Variants in ZFAND5 observed in about 807,000 individuals in gnomAD.
ZFAND5 encodes zinc finger AN1-type containing 5.
In ZFAND5, 4 loss-of-function variants were observed where a neutral mutation model predicts 23.6. The ratio of observed to expected loss-of-function variants is 0.17; its 90% CI spans 0.08 to 0.39. The LOEUF is 0.39. Ranked by LOEUF, ZFAND5 falls within the 10% of genes least tolerant of loss-of-function variation. The pLI is 1.00. For missense variants in ZFAND5, 161 were observed against 253.7 expected (o/e 0.63, Z 2.48); for synonymous variants, 68 against 80.6 (o/e 0.84, Z 0.84).
At chr9:72,360,349 A>G in intron 3 of ZFAND5, 128 bp from the exon 4 acceptor site, 1 of 887,208 alleles carries the variant, frequency 1.1e-6, no homozygotes, top group Non-Finnish European at 1.7e-6. Flanking sequence ...CTGTAATCCT[A>G]TACTTGAGTA....
Position 72,360,650 on chromosome 9 carries a change from A to G in ZFAND5, c.129T>C (p.Asn43=), listed in dbSNP as rs776022263. Residue 43 remains asparagine (N), a synonymous_variant, in exon 3 of 7, where the codon AAT becomes AAC. Coordinates refer to ENST00000376962, the MANE Select transcript of ZFAND5 (RefSeq NM_001102420.3). ...CYKEHLQRQQ[N]SGRMSPMGTA... The stretch of plus-strand genomic sequence containing the variant: ...TACCCATTGGGCTCATTCTGCCACT[A>G]TTTTGCTGCCTCTGAAGATGTTCTT... The G allele has an allele frequency of 4.3e-6, 7 of 1,613,722 alleles. No homozygotes were observed. In the East Asian group the frequency reaches 8.9e-5, roughly 21 times the overall value.
chr9:72,356,310 T>A (rs1338364054), intron 6 of ZFAND5, among the ~76,000 whole-genome samples: 1 of 152,232 alleles, frequency 6.6e-6, no homozygotes, highest in Non-Finnish European at 1.5e-5. Context: ...TTAACTTCCT[T>A]TGACATGGTG....
chr9:72,360,521 A>G (rs1842068696), intron 3 of ZFAND5, 107 bp downstream of exon 3: 3 of 1,462,834 alleles, frequency 2.1e-6, no homozygotes, highest in South Asian at 1.2e-5. Flanking sequence ...TCAAGCTCTT[A>G]TCAGGTGTTC....
At position 72,359,524 on chromosome 9, in the gene ZFAND5, A is replaced by G. The variant is rs1045755949; in HGVS notation, c.264-3T>C. ...GCAAGGCAGCCACAGGCACATTTCT[A>G]TTTGAGTTCAAGCAAACAATTTTTA... On this transcript the variant is annotated splice_polypyrimidine_tract_variant and splice_region_variant and intron_variant, in intron 4 of 6. Transcript: ENST00000376962. 4.3e-6 allele frequency: 7 copies of G among 1,613,074 alleles called. No homozygotes were observed. The highest frequency in any genetic ancestry group is 1.3e-5 in the African/African-American group (1 of 74,876).
intron 1 of ZFAND5, chr9:72,364,438 G>T (rs892594137): frequency 1.6e-6 from 2 of 1,266,220 alleles, no homozygotes; most frequent in Non-Finnish European, 1.0e-6. Flanking sequence ...CGCAGAGGCG[G>T]CACGCCGTGC....
chr9:72,360,934 A>G, intron 2 of ZFAND5, 147 bp from the exon 3 acceptor site: 1 of 722,624 alleles, frequency 1.4e-6, no homozygotes, highest in African/African-American at 1.8e-5. Flanking sequence ...AGAGATAATT[A>G]TCAATATTTT....
At chr9:72,361,930 AG>A (rs1842116361) in intron 2 of ZFAND5, among the ~76,000 whole-genome samples, 1 of 152,266 alleles carries the variant, frequency 6.6e-6, no homozygotes, top group Non-Finnish European at 1.5e-5. Context: ...ACTACATACT[AG>A]AATACACTTT....
chr9:72,358,792 G>A (rs371123247), intron 5 of ZFAND5, among the ~76,000 whole-genome samples: 1 of 152,076 alleles, frequency 6.6e-6, no homozygotes, highest in Non-Finnish European at 1.5e-5. Flanking sequence ...AGAACAAATT[G>A]ATAAAATAAG....
In ZFAND5 at chr9:72,354,714, AC is replaced by A. The variant is rs1415996210; in HGVS notation, c.*1238del. 2 of 152,582 alleles carry A rather than the reference AC, an allele frequency of 1.3e-5. No individual in the cohort carries two copies. Among genetic ancestry groups the A allele is most frequent in the African/African-American group, 4.8e-5 (2 of 41,468 alleles). 9.5% of individuals were successfully genotyped at this position (152,582 alleles called of 1,614,324 possible). On this transcript the variant is annotated 3_prime_UTR_variant, in exon 7 of 7. Coordinates refer to ENST00000376962, the MANE Select transcript of ZFAND5 (RefSeq NM_001102420.3). Reference sequence around the variant, plus strand: ...CTATTTACAGATGAAAACAGGCATTACCACAACACTAACTATACTCATTTAT... The same window carrying A: ...CTATTTACAGATGAAAACAGGCATTACACAACACTAACTATACTCATTTAT...
chr9:72,359,599 T>G, intron 4 of ZFAND5, 78 bp from the exon 5 acceptor site: 2 of 1,310,306 alleles, frequency 1.5e-6, no homozygotes, highest in South Asian at 1.3e-5. Flanking sequence ...TCAGTTCAAC[T>G]TTAAATTATA....
In ZFAND5 at chr9:72,363,650, T is replaced by G. The variant is rs764646615; in HGVS notation, c.-146-44A>C. On this transcript the variant is annotated intron_variant, in intron 1 of 6. Transcript: ENST00000376962. ...GAGACAACTACAAAGAATCCTTAAT[T>G]TTTTAGGGGGGTGTGGGGAAACATT... The G allele has an allele frequency of 6.1e-4, 602 of 983,528 alleles. 1 individual carries two copies. Among genetic ancestry groups the G allele is most frequent in the Non-Finnish European group, 6.9e-4 (572 of 828,340 alleles). 60.9% of individuals were successfully genotyped at this position (983,528 alleles called of 1,614,324 possible). A position where few individuals can be genotyped will look rare whatever the true frequency, so the allele number is the denominator to read the frequency against.
chr9:72,360,260 T>C, intron 3 of ZFAND5, 39 bp from the exon 4 acceptor site: 1 of 1,526,934 alleles, frequency 6.5e-7, no homozygotes, highest in Non-Finnish European at 9.0e-7. Flanking sequence ...CAATGAACAC[T>C]ACAAAAACTC....
chr9:72,361,627 T>A (rs762407749), intron 2 of ZFAND5, among the ~76,000 whole-genome samples: 39 of 152,220 alleles, frequency 2.6e-4, no homozygotes, highest in Non-Finnish European at 5.7e-4. Flanking sequence ...TAACCTTTAG[T>A]AATGGTTAAT....
Position 72,354,706 on chromosome 9 carries a change from C to T in ZFAND5, c.*1247G>A, listed in dbSNP as rs1478195040. 2.0e-5 allele frequency: 3 copies of T among 152,516 alleles called. No homozygotes were observed. The highest frequency in any genetic ancestry group is 4.4e-5 in the Non-Finnish European group (3 of 68,030). The allele number at this position is 152,516 out of a possible 1,614,324, so 9.4% of individuals were successfully genotyped here. ...ATACTTAACTATTTACAGATGAAAA[C>T]AGGCATTACCACAACACTAACTATA... On this transcript the variant is annotated 3_prime_UTR_variant, in exon 7 of 7. Transcript: ENST00000376962.
At chr9:72,361,532 T>A (rs2735266) in intron 2 of ZFAND5, among the ~76,000 whole-genome samples, 11 of 152,344 alleles carry the variant, frequency 7.2e-5, no homozygotes, top group African/African-American at 2.6e-4. Context: ...CTATTAATTT[T>A]AACAAGTGCT....
chr9:72,354,617 TTAAGAA>T lies in ZFAND5; in HGVS notation c.*1330_*1335del, dbSNP rs1479043843. The T allele has an allele frequency of 6.6e-6, 1 of 152,588 alleles. No individual in the cohort carries two copies. The highest frequency in any genetic ancestry group is 1.5e-5 in the Non-Finnish European group (1 of 68,042). 9.5% of individuals were successfully genotyped at this position (152,588 alleles called of 1,614,324 possible). On this transcript the variant is annotated 3_prime_UTR_variant, in exon 7 of 7. Coordinates refer to ENST00000376962, the MANE Select transcript of ZFAND5 (RefSeq NM_001102420.3). ...AAAATTGAAAGCAAAACTGAATGCT[TTAAGAA>T]TAAAAGTAAAAACTAGGACTGAACA...
intron 1 of ZFAND5, chr9:72,364,339 G>A (rs1387001580): frequency 1.8e-6 from 2 of 1,090,438 alleles, no homozygotes; most frequent in Non-Finnish European, 2.3e-6. Context: ...GGCAGGGGGC[G>A]CGGCCGCCGC....
rs1841876578 is a variant in ZFAND5, at chr9:72,354,431, G to C, written c.*1522C>G. On this transcript the variant is annotated 3_prime_UTR_variant, in exon 7 of 7. Coordinates refer to ENST00000376962, the MANE Select transcript of ZFAND5 (RefSeq NM_001102420.3). Reference sequence around the variant, plus strand: ...TTCCCCCTTTAGGACTCCAACTATGGCTTAAAAACCCAATGAACAAGTGAA... The same window carrying C: ...TTCCCCCTTTAGGACTCCAACTATGCCTTAAAAACCCAATGAACAAGTGAA... 6.6e-6 allele frequency: 1 copy of C among 152,554 alleles called. No individual in the cohort carries two copies. Among genetic ancestry groups the C allele is most frequent in the Admixed American group, 6.5e-5 (1 of 15,276 alleles). 9.5% of individuals were successfully genotyped at this position (152,554 alleles called of 1,614,324 possible). A position where few individuals can be genotyped will look rare whatever the true frequency, so the allele number is the denominator to read the frequency against.
At position 72,360,748 on chromosome 9, in the gene ZFAND5, G is replaced by A; in HGVS notation, c.31C>T (p.Pro11Ser). ...CCACATCCTGTGCTACACAGCATGGGCCCCGGGGTCTGGTTAGTCTCCTGA... is the reference window on the plus strand; with the variant it reads ...CCACATCCTGTGCTACACAGCATGGACCCCGGGGTCTGGTTAGTCTCCTGA... MAQETNQTPG[P>S]MLCSTGCGFY... Residue 11 changes from proline to serine, a missense_variant, in exon 3 of 7, where the codon CCC (proline) becomes TCC (serine). Pro to Ser is a moderately conservative substitution (Grantham distance 74). Transcript: ENST00000376962. 1 of 1,611,114 alleles carries A rather than the reference G, an allele frequency of 6.2e-7. No homozygotes were observed. Among genetic ancestry groups the A allele is most frequent in the Non-Finnish European group, 8.5e-7 (1 of 1,177,738 alleles).
Sources: allele counts gnomAD v4.1 joint callset (sites outside exome capture counted in the v4.1 genomes callset), GRCh38; gene constraint gnomAD v4.1.1; transcripts MANE v1.5; gene names NCBI Gene and HGNC (gene_info 2026-07-23, HGNC 2026-07-21).